The following MARCHF1 variants were observed in gnomAD, a reference collection of about 807,000 sequenced individuals.
MARCHF1 encodes membrane associated ring-CH-type finger 1, also known as E3 ubiquitin-protein ligase MARCHF1.
MARCHF1 carries 40 observed loss-of-function variants against 54.2 expected under a neutral mutation model. The ratio of observed to expected loss-of-function variants is 0.74; its 90% confidence interval spans 0.57 to 0.96. The LOEUF is 0.96. Among genes scored for constraint, MARCHF1 ranks in the 40% least tolerant of loss-of-function variants. The probability of loss-of-function intolerance (pLI) is 0.00; values close to 1 mark genes in which losing one functional copy is unlikely to be tolerated. For synonymous variants in MARCHF1, 236 were observed against 236.3 expected (o/e 1.00, Z 0.01); for missense variants, 586 against 656.5 (o/e 0.89, Z 1.17).
At chr4:164,117,388 A>G (rs1755960726) in intron 1 of MARCHF1, among the ~76,000 whole-genome samples, 1 of 152,210 alleles carries the variant, frequency 6.6e-6, no homozygotes, top group South Asian at 2.1e-4. Context: ...TGGAAATACA[A>G]GTTACCTAGG....
intron 5 of MARCHF1, among the ~76,000 whole-genome samples, chr4:163,696,816 C>A (rs1561024805): frequency 6.6e-6 from 1 of 152,010 alleles, no homozygotes; most frequent in Non-Finnish European, 1.5e-5. Flanking sequence ...CTGCTGCTAC[C>A]CTGTCCCAAT....
At chr4:164,213,392 C>T (rs1181316012) in intron 1 of MARCHF1, among the ~76,000 whole-genome samples, 1 of 151,728 alleles carries the variant, frequency 6.6e-6, no homozygotes, top group Non-Finnish European at 1.5e-5. Context: ...TGCCACCATG[C>T]CCGGCTAAAT....
chr4:163,883,262 A>ATAT (rs773391472), intron 3 of MARCHF1, among the ~76,000 whole-genome samples: 2 of 44,748 alleles, frequency 4.5e-5, no homozygotes, highest in African/African-American at 1.7e-4. Flanking sequence ...TATATATGAG[A>ATAT]GAGAGAGAGA....
At chr4:163,956,445 A>C (rs1175844349) in intron 3 of MARCHF1, among the ~76,000 whole-genome samples, 2 of 152,108 alleles carry the variant, frequency 1.3e-5, no homozygotes, top group African/African-American at 2.4e-5. Flanking sequence ...TGTTGTCCGA[A>C]TATCACAATT....
At chr4:164,376,362 T>G (rs1731192931) in intron 1 of MARCHF1, among the ~76,000 whole-genome samples, 1 of 152,236 alleles carries the variant, frequency 6.6e-6, no homozygotes, top group African/African-American at 2.4e-5. Context: ...GGATGTAGCT[T>G]ATGATTTAGT....
chr4:163,685,361 C>T (rs1273058194), intron 5 of MARCHF1, among the ~76,000 whole-genome samples: 1 of 152,146 alleles, frequency 6.6e-6, no homozygotes, highest in Non-Finnish European at 1.5e-5. Context: ...TTCCCCTTCT[C>T]AAGAAACCCA....
At chr4:164,221,001 G>T (rs1354341923) in intron 1 of MARCHF1, among the ~76,000 whole-genome samples, 1 of 151,772 alleles carries the variant, frequency 6.6e-6, no homozygotes. Context: ...TCTGAAAAAC[G>T]TGGAAAACAA....
In MARCHF1 at chr4:163,612,661, A is replaced by C; in HGVS notation, c.620T>G (p.Ile207Ser). ...TTTGGATCCCAGATCAACGAGCTCA[A>C]TTCCGTTAGGAGTGGAAGACCCAGC... The part of the protein sequence containing the change: ...NLAGSSTPNG[I>S]ELVDLGSKGK... The change falls in exon 7 of 10, where the codon ATT (isoleucine) becomes AGT (serine). Residue 207 changes from isoleucine (I) to serine (S), a missense_variant. Coordinates refer to ENST00000514618, the MANE Select transcript of MARCHF1 (RefSeq NM_001394959.1). 3 of 1,535,562 alleles carry C rather than the reference A, an allele frequency of 2.0e-6. No individual in the cohort carries two copies. The South Asian group carries it at 3.6e-5, about 18-fold the overall frequency.
At chr4:164,247,548 G>A (rs1346682200) in intron 1 of MARCHF1, among the ~76,000 whole-genome samples, 6 of 147,142 alleles carry the variant, frequency 4.1e-5, no homozygotes, top group African/African-American at 1.5e-4. Flanking sequence ...CATGGCACAT[G>A]TATACATATG....
At chr4:164,026,752 G>C (rs1311155726) in intron 2 of MARCHF1, among the ~76,000 whole-genome samples, 1 of 151,944 alleles carries the variant, frequency 6.6e-6, no homozygotes, top group Non-Finnish European at 1.5e-5. Context: ...TCAGGCAAGT[G>C]AAAGAAATAA....
chr4:164,370,921 TAATATA>T (rs1279299900), intron 1 of MARCHF1, among the ~76,000 whole-genome samples: 11 of 151,714 alleles, frequency 7.3e-5, no homozygotes, highest in African/African-American at 2.4e-4. Context: ...AATAAATAAA[TAATATA>T]AATATAAATA....
intron 5 of MARCHF1, among the ~76,000 whole-genome samples, chr4:163,693,908 G>T (rs1241261467): frequency 6.6e-6 from 1 of 152,082 alleles, no homozygotes; most frequent in Non-Finnish European, 1.5e-5. Flanking sequence ...CCCACACCCA[G>T]GTTTAACTTC....
chr4:163,590,057 G>GGTGTGTGT (rs34885496), intron 7 of MARCHF1, among the ~76,000 whole-genome samples: 27 of 146,244 alleles, frequency 1.8e-4, no homozygotes, highest in Middle Eastern at 3.6e-3. Context: ...TTTAGATTTT[G>GGTGTGTGT]GTGTGTGTGT....
At chr4:163,711,473 G>A (rs906683904) in intron 4 of MARCHF1, among the ~76,000 whole-genome samples, 1 of 152,118 alleles carries the variant, frequency 6.6e-6, no homozygotes, top group Non-Finnish European at 1.5e-5. Flanking sequence ...AGGCACACCC[G>A]GTTGGATCTC....
intron 1 of MARCHF1, among the ~76,000 whole-genome samples, chr4:164,335,236 G>C (rs908450322): frequency 1.6e-4 from 25 of 152,172 alleles, no homozygotes; most frequent in Non-Finnish European, 3.4e-4. Context: ...ATGCTGCAGA[G>C]AAATCTTTCA....
intron 2 of MARCHF1, among the ~76,000 whole-genome samples, chr4:164,072,607 A>G (rs1172018218): frequency 6.6e-6 from 1 of 151,672 alleles, no homozygotes; most frequent in Non-Finnish European, 1.5e-5. Flanking sequence ...ATAAACTTTA[A>G]ATGTTCTCAT....
At chr4:164,246,696 A>G (rs1237971088) in intron 1 of MARCHF1, among the ~76,000 whole-genome samples, 1 of 74,134 alleles carries the variant, frequency 1.3e-5, no homozygotes, top group Non-Finnish European at 2.9e-5. Context: ...GAAAATTTTC[A>G]CAACCTACTC....
intron 1 of MARCHF1, among the ~76,000 whole-genome samples, chr4:164,288,971 G>A (rs1200056589): frequency 6.6e-6 from 1 of 151,984 alleles, no homozygotes; most frequent in Non-Finnish European, 1.5e-5. Context: ...AATTATAGTT[G>A]CTAGAATTGA....
chr4:163,701,837 T>G (rs531858295), intron 4 of MARCHF1, among the ~76,000 whole-genome samples: 200 of 120,896 alleles, frequency 1.7e-3, no homozygotes, highest in Non-Finnish European at 3.1e-3. Context: ...GAATTCCTTT[T>G]GTTTTTTTTT....
Sources: allele counts gnomAD v4.1 joint callset (sites outside exome capture counted in the v4.1 genomes callset), GRCh38; gene constraint gnomAD v4.1.1; transcripts MANE v1.5; gene names NCBI Gene and HGNC (gene_info 2026-07-23, HGNC 2026-07-21).